Variants in NT5C1B observed in about 807,000 individuals in gnomAD.
NT5C1B encodes the protein 5'-nucleotidase, cytosolic IB.
NT5C1B carries 44 observed loss-of-function variants against 57.8 expected under a neutral mutation model. That is an observed-to-expected ratio of 0.76 (90% CI 0.60 to 0.98). NT5C1B has a LOEUF of 0.98. Ranked by LOEUF, NT5C1B falls within the 50% of genes least tolerant of loss-of-function variation. NT5C1B has a pLI of 0.00. For synonymous variants in NT5C1B, 284 were observed against 282.6 expected (o/e 1.00, Z -0.05); for missense variants, 742 against 719.5 (o/e 1.03, Z -0.36).
chr2:18,578,626 C>G (rs1558379986), intron 6 of NT5C1B, among the ~76,000 whole-genome samples: 1 of 151,860 alleles, frequency 6.6e-6, no homozygotes, highest in Non-Finnish European at 1.5e-5. Context: ...ATCCCCTCCC[C>G]AAAAAAACCC....
chr2:18,566,335 A>G (rs1225109458), intron 8 of NT5C1B, among the ~76,000 whole-genome samples: 1 of 152,210 alleles, frequency 6.6e-6, no homozygotes, highest in Non-Finnish European at 1.5e-5. Flanking sequence ...CTTTGCTGTC[A>G]TGGAAACAAA....
chr2:18,587,562 T>A lies in NT5C1B; in HGVS notation c.61A>T (p.Ser21Cys), dbSNP rs142250232. The A allele has an allele frequency of 1.4e-4, 231 of 1,613,744 alleles. No homozygotes were observed. In the African/African-American group the frequency reaches 2.7e-3, roughly 19 times the overall value. ...TCCTTTCTTTTTTCTGCTTCTAGAC[T>A]CTCTTTTGAGGACCTCATTCCAGGC... is the stretch of plus-strand genomic sequence containing the variant. Residue 21 changes from serine (S) to cysteine (C), a missense_variant, in exon 2 of 9, where the codon AGT (serine) becomes TGT (cysteine). Coordinates refer to ENST00000304081, the Ensembl canonical transcript of NT5C1B.
At chr2:18,583,560 A>C (rs55895211) in intron 5 of NT5C1B, 1 of 287,066 alleles carries the variant, frequency 3.5e-6, no homozygotes, top group Non-Finnish European at 6.8e-6. Context: ...TTGTTTTTGC[A>C]TGGTTATGAT....
intron 8 of NT5C1B, among the ~76,000 whole-genome samples, chr2:18,568,817 G>GGTT (rs1664890482): frequency 1.3e-5 from 2 of 152,124 alleles, no homozygotes; most frequent in East Asian, 3.9e-4. Context: ...TTTGCTTCAA[G>GGTT]CTGTCCTGCC....
intron 5 of NT5C1B, 170 bp downstream of exon 5, chr2:18,583,918 C>T (rs1400717347): frequency 8.7e-7 from 1 of 1,146,846 alleles, no homozygotes. Flanking sequence ...CCTCCACAGT[C>T]TGGAAGCCTG....
At chr2:18,586,490 C>A in intron 2 of NT5C1B, 99 bp from the exon 3 acceptor site, 1 of 1,528,306 alleles carries the variant, frequency 6.5e-7, no homozygotes. Context: ...AATATAGCAG[C>A]ACCCAGTGAG....
In NT5C1B at chr2:18,568,804, A is replaced by G. The variant is rs543808146; in HGVS notation, c.1330-4685T>C. 1.1e-4 allele frequency among the ~76,000 whole-genome samples: 16 copies of G among 152,198 alleles called. No homozygotes were observed. The East Asian group carries it at 1.2e-3, about 11-fold the overall frequency. On this transcript the variant is annotated intron_variant, in intron 8 of 8. Coordinates refer to ENST00000304081, the Ensembl canonical transcript of NT5C1B. ...ACTCAAACCCGCTTGGAGTCTTCCT[A>G]CCTTTGCTTCAAGCTGTCCTGCCTT...
chr2:18,587,641 T>TA, intron 1 of NT5C1B, 49 bp from the exon 2 acceptor site: 1 of 1,574,364 alleles, frequency 6.4e-7, no homozygotes, highest in South Asian at 1.2e-5. Flanking sequence ...CTCAGGGCAT[T>TA]AGGAACTTTG....
chr2:18,587,557 T>A (rs373948064), exon 2 of NT5C1B: 9 of 1,613,838 alleles, frequency 5.6e-6, no homozygotes, highest in Non-Finnish European at 7.6e-6. Context: ...TTTCTGCTTC[T>A]AGACTCTCTT....
chr2:18,568,138 T>C (rs1664822657), intron 8 of NT5C1B, among the ~76,000 whole-genome samples: 1 of 139,150 alleles, frequency 7.2e-6, no homozygotes, highest in African/African-American at 2.6e-5. Flanking sequence ...CCCTCTCATA[T>C]TCAAACCAAA....
chr2:18,563,144 T>C (rs1290200992), exon 9 of NT5C1B: 1 of 151,874 alleles, frequency 6.6e-6, no homozygotes, highest in Non-Finnish European at 1.5e-5. Flanking sequence ...TATGAAACTC[T>C]GTGGATCAGA....
chr2:18,589,349 A>G, intron 1 of NT5C1B, 90 bp downstream of exon 1: 3 of 1,556,272 alleles, frequency 1.9e-6, no homozygotes, highest in Non-Finnish European at 2.7e-6. Context: ...TTATTTGATC[A>G]TTGCAGAGCC....
At chr2:18,571,706 C>T (rs1291141275) in intron 8 of NT5C1B, among the ~76,000 whole-genome samples, 1 of 104,554 alleles carries the variant, frequency 9.6e-6, no homozygotes, top group African/African-American at 5.6e-5. Context: ...CTCTCTTTCT[C>T]TCTGTGTGTG....
chr2:18,584,089 T>C lies in NT5C1B; in HGVS notation c.890A>G (p.Lys297Arg). 6.2e-7 allele frequency: 1 copy of C among 1,614,142 alleles called. No homozygotes were observed. The highest frequency in any genetic ancestry group is 8.5e-7 in the Non-Finnish European group (1 of 1,180,032). Residue 297 changes from lysine to arginine, a missense_variant and splice_region_variant, in exon 5 of 9, where the codon AAG (lysine) becomes AGG (arginine). Coordinates refer to ENST00000304081, the Ensembl canonical transcript of NT5C1B. The surrounding 1 kb of genome is among the most constrained non-coding windows in gnomAD (Gnocchi z 5.8). ...GGCCAAAGACAGCTTGCAGAATACC[T>C]TGACGAAGCGGAACGCCGGGCCCGG...
At chr2:18,577,492 C>T (rs1665805165) in intron 6 of NT5C1B, among the ~76,000 whole-genome samples, 1 of 145,128 alleles carries the variant, frequency 6.9e-6, no homozygotes, top group Admixed American at 6.9e-5. Context: ...AAACAACCAA[C>T]CTGCTCCTGA....
intron 8 of NT5C1B, among the ~76,000 whole-genome samples, chr2:18,567,972 C>T (rs1436584113): frequency 6.6e-6 from 1 of 151,892 alleles, no homozygotes; most frequent in African/African-American, 2.4e-5. Flanking sequence ...AGACTCAACA[C>T]AGCTGAAGAA....
intron 2 of NT5C1B, 111 bp from the exon 3 acceptor site, chr2:18,586,502 A>G: frequency 6.7e-7 from 1 of 1,483,402 alleles, no homozygotes; most frequent in Non-Finnish European, 9.1e-7. Flanking sequence ...CCCAGTGAGA[A>G]GATCCCTGGC....
intron 6 of NT5C1B, among the ~76,000 whole-genome samples, chr2:18,578,869 T>C (rs941538469): frequency 6.6e-6 from 1 of 152,196 alleles, no homozygotes; most frequent in Admixed American, 6.5e-5. Context: ...TACTGGAAGA[T>C]GATATGATTT....
chr2:18,565,050 T>C (rs962308764), intron 8 of NT5C1B, among the ~76,000 whole-genome samples: 1 of 152,188 alleles, frequency 6.6e-6, no homozygotes, highest in Non-Finnish European at 1.5e-5. Context: ...CTAATTTTAG[T>C]CATTTATTTA....
Sources: gnomAD v4.1 joint callset for allele counts (sites outside exome capture counted in the v4.1 genomes callset) on GRCh38, gnomAD v4.1.1 for gene constraint, Gnocchi (gnomAD v3.1) non-coding constraint, MANE v1.5 for transcripts, NCBI Gene and HGNC (gene_info 2026-07-23, HGNC 2026-07-21) for gene names.